The following SDK1 variants were observed in gnomAD, a reference collection of about 807,000 sequenced individuals.
SDK1 encodes protein sidekick-1.
A neutral mutation model predicts 245.5 loss-of-function variants in SDK1; 157 were observed. That is an observed-to-expected ratio of 0.64 (90% CI 0.56 to 0.73). The LOEUF (loss-of-function observed/expected upper bound fraction) is 0.73. Among genes scored for constraint, SDK1 ranks in the 30% least tolerant of loss-of-function variants. The pLI is 0.00. For missense variants in SDK1, 3,583 were observed against 3,002.3 expected (o/e 1.19, Z -4.52); for synonymous variants, 1,647 against 1,278.5 (o/e 1.29, Z -6.15).
At chr7:3,507,638 C>G (rs979064881) in intron 1 of SDK1, among the ~76,000 whole-genome samples, 1 of 152,178 alleles carries the variant, frequency 6.6e-6, no homozygotes, top group Admixed American at 6.5e-5. Flanking sequence ...GCTGTACTCT[C>G]ATGTCCACAA....
chr7:3,404,515 T>G (rs1779000893), intron 1 of SDK1, among the ~76,000 whole-genome samples: 1 of 152,246 alleles, frequency 6.6e-6, no homozygotes, highest in South Asian at 2.1e-4. Context: ...CTAAACAACT[T>G]GTTAGTCTGC....
intron 1 of SDK1, among the ~76,000 whole-genome samples, chr7:3,346,643 C>G (rs1212967585): frequency 7.0e-6 from 1 of 143,770 alleles, no homozygotes; most frequent in Non-Finnish European, 1.5e-5. Flanking sequence ...CTTCTGCACC[C>G]CCACACCTGG....
chr7:3,833,413 A>C (rs1583460408), intron 5 of SDK1, among the ~76,000 whole-genome samples: 1 of 152,178 alleles, frequency 6.6e-6, no homozygotes, highest in East Asian at 1.9e-4. Context: ...GACAGGGTTG[A>C]ATTTCACAAA....
chr7:3,954,657 G>A (rs147567730), intron 7 of SDK1, among the ~76,000 whole-genome samples: 54 of 123,568 alleles, frequency 4.4e-4, no homozygotes, highest in Middle Eastern at 7.8e-3. Flanking sequence ...CTCCGCTTCC[G>A]TCCCACCTCC....
In SDK1 at chr7:3,631,010, C is replaced by G. The variant is rs139741882; in HGVS notation, c.459-7994C>G. ...GAGTGCAGTGGTGCAATGGTTCACT[C>G]CAGCTTCTGCCACCCCAGCTCAAGT... is the stretch of plus-strand genomic sequence containing the variant. On this transcript the variant is annotated intron_variant, in intron 2 of 44. Transcript: ENST00000404826. Among the ~76,000 whole-genome samples, 523 of 152,168 alleles carry G rather than the reference C, an allele frequency of 3.4e-3. 6 individuals are homozygous for G. The highest frequency in any genetic ancestry group is 4.2e-3 in the Non-Finnish European group (285 of 68,000).
At chr7:4,262,669 C>G (rs1420281897) in intron 44 of SDK1, among the ~76,000 whole-genome samples, 1 of 148,540 alleles carries the variant, frequency 6.7e-6, no homozygotes, top group Non-Finnish European at 1.5e-5. Flanking sequence ...CGATCACTTG[C>G]AAGGGGAGGA....
At chr7:3,360,371 T>G (rs1431814273) in intron 1 of SDK1, among the ~76,000 whole-genome samples, 1 of 152,180 alleles carries the variant, frequency 6.6e-6, no homozygotes, top group East Asian at 1.9e-4. Flanking sequence ...GTGCAAAGAA[T>G]GGGTATTTTA....
At chr7:3,651,132 T>TA (rs1435675270) in intron 4 of SDK1, among the ~76,000 whole-genome samples, 1 of 149,258 alleles carries the variant, frequency 6.7e-6, no homozygotes, top group Non-Finnish European at 1.5e-5. Context: ...TAGTTTTAGT[T>TA]TTTTTTTTTT....
intron 14 of SDK1, among the ~76,000 whole-genome samples, chr7:4,010,278 C>T (rs1312035765): frequency 6.6e-6 from 1 of 152,260 alleles, no homozygotes; most frequent in Non-Finnish European, 1.5e-5. Context: ...TGTTTAAACT[C>T]TGCAAAAAAT....
intron 1 of SDK1, among the ~76,000 whole-genome samples, chr7:3,344,565 C>T (rs914403538): frequency 8.5e-5 from 13 of 152,150 alleles, no homozygotes; most frequent in African/African-American, 3.1e-4. Context: ...AAAAATGTGA[C>T]AGTTGCTCTT....
rs1335818862 is a variant in SDK1 at position 4,268,923 on chromosome 7, A to G, written c.*3539A>G. The stretch of plus-strand genomic sequence containing the variant: ...AGAAAAACAGATCTCATTAAAAGAA[A>G]AAAAGAAACAACTTGTAGGAAGACA... On this transcript the variant is annotated 3_prime_UTR_variant, in exon 45 of 45. Coordinates refer to ENST00000404826, the MANE Select transcript of SDK1 (RefSeq NM_152744.4). 25 of 341,448 alleles carry G rather than the reference A, an allele frequency of 7.3e-5. No homozygotes were observed. The allele number at this position is 341,448 out of a possible 1,614,324, so 21.2% of individuals were successfully genotyped here. A position where few individuals can be genotyped will look rare whatever the true frequency, so the allele number is the denominator to read the frequency against.
At chr7:3,385,160 T>A (rs1367000116) in intron 1 of SDK1, among the ~76,000 whole-genome samples, 2 of 152,206 alleles carry the variant, frequency 1.3e-5, no homozygotes, top group African/African-American at 4.8e-5. Context: ...TCCACTCACG[T>A]CATCTTAGGC....
chr7:3,430,659 C>T (rs1352559458), intron 1 of SDK1, among the ~76,000 whole-genome samples: 1 of 152,190 alleles, frequency 6.6e-6, no homozygotes, highest in Non-Finnish European at 1.5e-5. Flanking sequence ...ATTCCAGAAT[C>T]CCAAAAGGCA....
chr7:3,646,865 C>T (rs1245934017), intron 4 of SDK1, among the ~76,000 whole-genome samples: 1 of 152,078 alleles, frequency 6.6e-6, no homozygotes, highest in African/African-American at 2.4e-5. Flanking sequence ...AGGTTAAATA[C>T]CTTATGATTC....
At position 4,236,557 on chromosome 7, in the gene SDK1, AG is replaced by A. The variant is rs922660677; in HGVS notation, c.5993-1089del. Among the ~76,000 whole-genome samples, 38 of 152,120 alleles carry A rather than the reference AG, an allele frequency of 2.5e-4. No individual in the cohort carries two copies. The Middle Eastern group carries it at 0.01, about 41-fold the overall frequency. On this transcript the variant is annotated intron_variant, in intron 41 of 44. Transcript: ENST00000404826. Reference sequence around the variant, plus strand: ...AACAGGTAGAGAAGCAAATACACACAGTGCGTGTTTGCGGCGGGGGCTTCCA... The same window carrying A: ...AACAGGTAGAGAAGCAAATACACACATGCGTGTTTGCGGCGGGGGCTTCCA...
intron 1 of SDK1, among the ~76,000 whole-genome samples, chr7:3,579,531 A>G (rs1780414815): frequency 6.6e-6 from 1 of 152,220 alleles, no homozygotes; most frequent in Non-Finnish European, 1.5e-5. Flanking sequence ...CCTCAAAATA[A>G]TAAGAGCCAT....
intron 5 of SDK1, among the ~76,000 whole-genome samples, chr7:3,922,509 G>A (rs923596791): frequency 2.0e-5 from 3 of 152,254 alleles, no homozygotes; most frequent in African/African-American, 7.2e-5. Context: ...TGAGAAATGA[G>A]TATGGCCAGT....
rs1038322891 is a variant in SDK1, at chr7:4,267,331, C to T, written c.*1947C>T. On this transcript the variant is annotated 3_prime_UTR_variant, in exon 45 of 45. Transcript: ENST00000404826. Reference sequence around the variant, plus strand: ...CTTTCCCTCCCTCCCTTCCTCTCTCCCCTATTCCTTCTTCCTTTTCTCCTC... The same window carrying T: ...CTTTCCCTCCCTCCCTTCCTCTCTCTCCTATTCCTTCTTCCTTTTCTCCTC... The T allele has an allele frequency of 1.1e-5, 10 of 943,420 alleles. No individual in the cohort carries two copies. Among genetic ancestry groups the T allele is most frequent in the Non-Finnish European group, 1.3e-5 (10 of 792,436 alleles). 58.4% of individuals were successfully genotyped at this position (943,420 alleles called of 1,614,324 possible). A position where few individuals can be genotyped will look rare whatever the true frequency, so the allele number is the denominator to read the frequency against.
chr7:4,145,596 A>G, intron 28 of SDK1, 126 bp from the exon 29 acceptor site: 1 of 808,174 alleles, frequency 1.2e-6, no homozygotes, highest in Non-Finnish European at 1.9e-6. Flanking sequence ...GTGCACAGGC[A>G]GTGACCTCCA....
Sources: gnomAD v4.1 joint callset for allele counts (sites outside exome capture counted in the v4.1 genomes callset) on GRCh38, gnomAD v4.1.1 for gene constraint, MANE v1.5 for transcripts, NCBI Gene and HGNC (gene_info 2026-07-23, HGNC 2026-07-21) for gene names.